VDR: variants seen among roughly 807,000 people sequenced by gnomAD.
VDR encodes vitamin D3 receptor.
A neutral mutation model predicts 39.7 loss-of-function variants in VDR; 19 were observed. That is an observed-to-expected ratio of 0.48 (90% CI 0.33 to 0.70). VDR has a LOEUF of 0.70. Among genes scored for constraint, VDR ranks in the 30% least tolerant of loss-of-function variants. The pLI is 0.02. For synonymous variants in VDR, 242 were observed against 215.8 expected (o/e 1.12, Z -1.07); for missense variants, 442 against 570.5 (o/e 0.77, Z 2.29).
chr12:47,859,088 T>C (rs1296152225), intron 4 of VDR, among the ~76,000 whole-genome samples: 4 of 151,942 alleles, frequency 2.6e-5, no homozygotes, highest in Non-Finnish European at 5.9e-5. Context: ...TCAGGCAGGG[T>C]GGGAGAGGAA....
chr12:47,844,703 T>A lies in VDR; in HGVS notation c.*43A>T, dbSNP rs1324371157. The stretch of plus-strand genomic sequence containing the variant: ...CAGCCCCGGGCCTGGCACGTGGCCC[T>A]GGAGGAGCAGCCCCACCCAGGCACC... On this transcript the variant is annotated 3_prime_UTR_variant, in exon 10 of 10. Coordinates refer to ENST00000549336, the MANE Select transcript of VDR (RefSeq NM_000376.3). The A allele has an allele frequency of 4.3e-6, 7 of 1,612,538 alleles. No homozygotes were observed. Among genetic ancestry groups the A allele is most frequent in the Admixed American group, 1.7e-5 (1 of 59,990 alleles).
intron 6 of VDR, 37 bp from the exon 7 acceptor site, chr12:47,855,838 G>A (rs752826675): frequency 6.2e-7 from 1 of 1,611,656 alleles, no homozygotes; most frequent in African/African-American, 1.3e-5. Context: ...GCTATTTAAG[G>A]ATACTTGGAC....
At chr12:47,873,511 G>A (rs914612240) in intron 3 of VDR, among the ~76,000 whole-genome samples, 4 of 150,436 alleles carry the variant, frequency 2.7e-5, no homozygotes, top group Admixed American at 6.6e-5. Context: ...ACAGGCGCCC[G>A]CCACCTCGCC....
rs1380082576 is a variant in VDR at position 47,842,853 on chromosome 12, G to A, written c.*1893C>T. The A allele has an allele frequency of 6.6e-6, 1 of 152,118 alleles. No individual in the cohort carries two copies. Among genetic ancestry groups the A allele is most frequent in the Admixed American group, 6.5e-5 (1 of 15,270 alleles). 9.4% of individuals were successfully genotyped at this position (152,118 alleles called of 1,614,324 possible). A position where few individuals can be genotyped will look rare whatever the true frequency, so the allele number is the denominator to read the frequency against. On this transcript the variant is annotated 3_prime_UTR_variant, in exon 10 of 10. Transcript: ENST00000549336. ...GTCAGTTTTCCTGAATGAGGGGATTGACTCGTTTAGCAACTTACAAGTGTT... is the reference window on the plus strand; with the variant it reads ...GTCAGTTTTCCTGAATGAGGGGATTAACTCGTTTAGCAACTTACAAGTGTT...
At chr12:47,890,484 C>T (rs1946349700) in intron 1 of VDR, among the ~76,000 whole-genome samples, 1 of 151,700 alleles carries the variant, frequency 6.6e-6, no homozygotes, top group African/African-American at 2.4e-5. Context: ...GTTGTCACGT[C>T]ACCAGGCAGG....
At chr12:47,897,757 T>A (rs1482989760) in intron 1 of VDR, among the ~76,000 whole-genome samples, 1 of 152,186 alleles carries the variant, frequency 6.6e-6, no homozygotes, top group Admixed American at 6.5e-5. Context: ...TACCCCTTGC[T>A]TCTCAGGTTA....
chr12:47,849,819 C>T (rs188588071), intron 7 of VDR, among the ~76,000 whole-genome samples: 65 of 151,908 alleles, frequency 4.3e-4, no homozygotes, highest in Non-Finnish European at 7.1e-4. Context: ...CACATTTTGG[C>T]GTATTTTCTT....
chr12:47,854,147 G>A (rs1945438922), intron 7 of VDR, among the ~76,000 whole-genome samples: 1 of 151,926 alleles, frequency 6.6e-6, no homozygotes, highest in Admixed American at 6.6e-5. Flanking sequence ...TTTGAGACAG[G>A]GTCTTGCTCT....
chr12:47,877,984 C>A (rs996643301), intron 3 of VDR, among the ~76,000 whole-genome samples: 1 of 152,196 alleles, frequency 6.6e-6, no homozygotes, highest in Non-Finnish European at 1.5e-5. Context: ...GACAGAGAGA[C>A]CCCAAGTCCT....
intron 7 of VDR, among the ~76,000 whole-genome samples, chr12:47,849,404 C>T (rs1455736252): frequency 1.3e-5 from 2 of 152,214 alleles, no homozygotes; most frequent in Non-Finnish European, 2.9e-5. Context: ...CTCAGGGCCT[C>T]TGGACACAGC....
chr12:47,865,259 G>T, intron 3 of VDR, 82 bp from the exon 4 acceptor site: 1 of 1,587,596 alleles, frequency 6.3e-7, no homozygotes, highest in Non-Finnish European at 8.6e-7. Context: ...TGTCTTCTGG[G>T]CCCCCTGGTC....
rs1352867747 is a variant in VDR at position 47,900,762 on chromosome 12, AG to A, written c.-84+4192del. 5.3e-5 allele frequency among the ~76,000 whole-genome samples: 8 copies of A among 152,142 alleles called. No homozygotes were observed. In the East Asian group the frequency reaches 1.5e-3, roughly 29 times the overall value. ...ACCTTGCATAACACCTCCAAGCTCC[AG>A]GTTGTCATCAGAAGGCCAGTGAGAG... On this transcript the variant is annotated intron_variant, in intron 1 of 9. Transcript: ENST00000549336.
At chr12:47,901,940 G>A (rs1323971526) in intron 1 of VDR, among the ~76,000 whole-genome samples, 1 of 152,228 alleles carries the variant, frequency 6.6e-6, no homozygotes, top group African/African-American at 2.4e-5. Context: ...CGGGAGCAGT[G>A]CCGCCCCAGG....
In VDR at chr12:47,882,712, G is replaced by C. The variant is rs1470025439; in HGVS notation, c.-21C>G. The C allele has an allele frequency of 6.5e-7, 1 of 1,529,594 alleles. No individual in the cohort carries two copies. Among genetic ancestry groups the C allele is most frequent in the Non-Finnish European group, 8.7e-7 (1 of 1,144,530 alleles). The allele number at this position is 1,529,594 out of a possible 1,614,324, so 94.8% of individuals were successfully genotyped here. On this transcript the variant is annotated 5_prime_UTR_variant, in exon 2 of 10. Transcript: ENST00000549336. ...CACCTACCTGAAGGAGCAGGGGGCA[G>C]GTAAGTGGAGCCCAGGGGTGCTCTT... is the stretch of plus-strand genomic sequence containing the variant.
Position 47,846,404 on chromosome 12 carries a change from C to G in VDR, c.955G>C (p.Gly319Arg). 6.3e-7 allele frequency: 1 copy of G among 1,579,736 alleles called. No individual in the cohort carries two copies. Among genetic ancestry groups the G allele is most frequent in the South Asian group, 1.2e-5 (1 of 86,298 alleles). The change falls in exon 9 of 10, where the codon GGA (glycine) becomes CGA (arginine). Residue 319 changes from glycine (G) to arginine (R), a missense_variant. Around this residue, in one of 5 missense-constraint regions of VDR, gnomAD observed 173 missense variants for 252.0 expected, o/e 0.69. Coordinates refer to ENST00000549336, the MANE Select transcript of VDR (RefSeq NM_000376.3). Reference protein sequence around the residue: ...LIEPLIKFQVGLKKLNLHEEE... With the variant: ...LIEPLIKFQVRLKKLNLHEEE... ...TCATGCAAGTTCAGCTTCTTCAGTC[C>G]CACCTGGAACTTGATGAGGGGCTCA... is the stretch of plus-strand genomic sequence containing the variant.
intron 1 of VDR, among the ~76,000 whole-genome samples, chr12:47,903,431 G>A (rs1237252743): frequency 6.6e-6 from 1 of 152,230 alleles, no homozygotes; most frequent in African/African-American, 2.4e-5. Context: ...AGGGAGAAAT[G>A]TGCAGTCTTA....
rs187843998 is a variant in VDR, at chr12:47,846,343, A to G, written c.1016T>C (p.Val339Ala). The change falls in exon 9 of 10, where the codon GTC becomes GCC. Residue 339 changes from valine to alanine, a missense_variant. Val to Ala is a moderately conservative substitution (Grantham distance 64). Around this residue, in one of 5 missense-constraint regions of VDR, gnomAD observed 173 missense variants for 252.0 expected, o/e 0.69. Transcript: ENST00000549336. ...EHVLLMAICI[V>A]SPDRPGVQDA... ...CCTGCCTGGCCCCATACCTGGGGAG[A>G]CGATGCAGATGGCCATGAGCAGGAC... is the stretch of plus-strand genomic sequence containing the variant. 807 of 1,607,354 alleles carry G rather than the reference A, an allele frequency of 5.0e-4. 3 individuals carry two copies. The highest frequency in any genetic ancestry group is 6.6e-4 in the Non-Finnish European group (776 of 1,177,982).
chr12:47,857,761 G>A lies in VDR; in HGVS notation c.278-73C>T, dbSNP rs543608950. The A allele has an allele frequency of 4.5e-6, 7 of 1,548,588 alleles. No homozygotes were observed. The African/African-American group carries it at 6.8e-5, about 15-fold the overall frequency. On this transcript the variant is annotated intron_variant, in intron 4 of 9. Coordinates refer to ENST00000549336, the MANE Select transcript of VDR (RefSeq NM_000376.3). The stretch of plus-strand genomic sequence containing the variant: ...AGGAAACCTTCCTCCTGCGGTTGGG[G>A]GTAAAGGTCCAAGATAGGAGGGGCT...
intron 4 of VDR, among the ~76,000 whole-genome samples, chr12:47,862,030 C>T (rs549461848): frequency 6.6e-6 from 1 of 152,316 alleles, no homozygotes; most frequent in Non-Finnish European, 1.5e-5. Context: ...TTCATTGATT[C>T]CACACATTTA....
Sources: gnomAD v4.1 joint callset for allele counts (sites outside exome capture counted in the v4.1 genomes callset) on GRCh38, gnomAD v4.1.1 for gene constraint, gnomAD v4.1.1 regional missense constraint, MANE v1.5 for transcripts, NCBI Gene and HGNC (gene_info 2026-07-23, HGNC 2026-07-21) for gene names.